Variants in HAUS7 observed in about 807,000 individuals in gnomAD.
HAUS7 encodes HAUS augmin-like complex subunit 7.
In HAUS7, 3 loss-of-function variants were observed where a neutral mutation model predicts 28.4. That is an observed-to-expected ratio of 0.11 (90% CI 0.05 to 0.27). The LOEUF (loss-of-function observed/expected upper bound fraction) is 0.27, where lower values mean the gene tolerates loss of function less well. Ranked by LOEUF, HAUS7 falls within the 10% of genes least tolerant of loss-of-function variation. The probability of loss-of-function intolerance (pLI) is 1.00; values close to 1 mark genes in which losing one functional copy is unlikely to be tolerated. For synonymous variants in HAUS7, 165 were observed against 132.1 expected, an observed-to-expected ratio of 1.25 and a Z score of -1.71; for missense variants, 284 against 297.3, an observed-to-expected ratio of 0.96 and a Z score of 0.33.
At chrX:153,461,296 G>A (rs1279824822) in intron 4 of HAUS7, among the ~76,000 whole-genome samples, 2 of 111,812 alleles carry the variant, frequency 1.8e-5, no homozygotes, top group Non-Finnish European at 3.8e-5. Context: ...CCACAGGAGA[G>A]AAGACTCACT....
At position 153,456,660 on chromosome X, in the gene HAUS7, G is replaced by A. The variant is rs1556982310; in HGVS notation, c.447-9C>T. 3 of 1,165,610 alleles carry A rather than the reference G, an allele frequency of 2.6e-6. No homozygotes were observed. The highest frequency in any genetic ancestry group is 1.9e-5 in the South Asian group (1 of 52,448). On this transcript the variant is annotated splice_polypyrimidine_tract_variant and intron_variant, in intron 5 of 9. Coordinates refer to ENST00000370211, the MANE Select transcript of HAUS7 (RefSeq NM_001385482.1). ...CGAAGTGCTCCATCAGGCTGCAAAG[G>A]CAGCCCCCAGGGCCACACCGTCACA...
chrX:153,473,349 GC>G (rs1267626969), upstream of HAUS7, among the ~76,000 whole-genome samples: 1 of 112,557 alleles, frequency 8.9e-6, no homozygotes, highest in Non-Finnish European at 1.9e-5. Flanking sequence ...CTGAGGGGGA[GC>G]CACCCCACCT....
intron 4 of HAUS7, chrX:153,462,271 AG>A: frequency 1.5e-6 from 1 of 676,015 alleles, no homozygotes; most frequent in Non-Finnish European, 1.8e-6. Context: ...CTTGGGAGCC[AG>A]GCGCCGGGAT....
chrX:153,482,832 G>A (rs1385235993), intron 1 of HAUS7: 6 of 657,393 alleles, frequency 9.1e-6, no homozygotes, highest in African/African-American at 2.4e-5. Context: ...GACCGGAACC[G>A]GCTGCGGGCC....
chrX:153,454,413 G>T lies in HAUS7; in HGVS notation c.1026C>A (p.Ser342Arg), dbSNP rs1556981545. The change falls in exon 9 of 10, where the codon AGC becomes AGA. Residue 342 changes from serine (S) to arginine (R), a missense_variant. Ser to Arg is a moderately radical substitution (Grantham distance 110). Coordinates refer to ENST00000370211, the MANE Select transcript of HAUS7 (RefSeq NM_001385482.1). ...ACGTACCTAGACTCATGACGGAGCT[G>T]CTGCCACCCCAGCAGATCTGCTCGC... ...QQGEQICWGGSSSVMSLATKM... is the reference protein window; with the variant it reads ...QQGEQICWGGRSSVMSLATKM... The T allele has an allele frequency of 1.7e-6, 2 of 1,191,106 alleles. No individual in the cohort carries two copies. The highest frequency in any genetic ancestry group is 5.9e-5 in the East Asian group (2 of 33,704).
At position 153,462,604 on chromosome X, in the gene HAUS7, T is replaced by C; in HGVS notation, c.354+6A>G. The C allele has an allele frequency of 1.7e-6, 2 of 1,186,236 alleles. No homozygotes were observed. Among genetic ancestry groups the C allele is most frequent in the Non-Finnish European group, 2.3e-6 (2 of 871,794 alleles). On this transcript the variant is annotated splice_donor_region_variant and intron_variant, in intron 4 of 9. Transcript: ENST00000370211. The stretch of plus-strand genomic sequence containing the variant: ...CCGTCTGCAGAGCAGACAGAGGCCC[T>C]CTTACCTTGAGGAGCTCCTGGTCAT...
upstream of HAUS7, among the ~76,000 whole-genome samples, chrX:153,475,011 G>A (rs1249335365): frequency 8.9e-6 from 1 of 111,794 alleles, no homozygotes; most frequent in African/African-American, 3.2e-5. Context: ...GCCGGCCGGG[G>A]GAGGGGGCGC....
At chrX:153,470,823 G>C (rs1338056815), upstream of HAUS7, 3 of 419,054 alleles carry the variant, frequency 7.2e-6, no homozygotes, top group Non-Finnish European at 8.7e-6. Flanking sequence ...GGGCGGGGCG[G>C]ACACCGGGAA....
In HAUS7 at chrX:153,469,172, C is replaced by T; in HGVS notation, c.198G>A (p.Leu66=). The T allele has an allele frequency of 8.5e-7, 1 of 1,176,840 alleles. No individual in the cohort carries two copies. The highest frequency in any genetic ancestry group is 1.2e-6 in the Non-Finnish European group (1 of 863,343). ...GGGTACACATCCACTCTAGGATCTC[C>T]AAGCGGTACTCTGAGGGGCTGCACA... The part of the protein sequence containing the change: ...ELLCSPSEYR[L]EILEWMCTRV... The change falls in exon 2 of 10, where the codon TTG becomes TTA. Residue 66 remains leucine, a synonymous_variant. Transcript: ENST00000370211.
chrX:153,482,768 G>A (rs2089608964), intron 1 of HAUS7: 2 of 754,893 alleles, frequency 2.6e-6, no homozygotes, highest in South Asian at 1.3e-4. Context: ...TGCGTGACAG[G>A]GACATCTCCC....
chrX:153,476,319 C>T (rs1454068794), intron 1 of HAUS7, among the ~76,000 whole-genome samples: 1 of 112,382 alleles, frequency 8.9e-6, no homozygotes. Flanking sequence ...CACTTTCTCA[C>T]GGTCCTCACC....
At position 153,456,636 on chromosome X, in the gene HAUS7, G is replaced by A. The variant is rs962116088; in HGVS notation, c.462C>T (p.Phe154=). 6 of 1,178,114 alleles carry A rather than the reference G, an allele frequency of 5.1e-6. No homozygotes were observed. The highest frequency in any genetic ancestry group is 6.8e-6 in the Non-Finnish European group (6 of 877,461). Residue 154 remains phenylalanine, a synonymous_variant, in exon 6 of 10, where the codon TTC becomes TTT. Transcript: ENST00000370211. The part of the protein sequence containing the change: ...CSSCSSLMEH[F]EDTREKNEAL... ...CCTCGTTCTTCTCCCTGGTGTCCTC[G>A]AAGTGCTCCATCAGGCTGCAAAGGC...
At chrX:153,486,984 G>T in intron 1 of HAUS7, 1 of 336,955 alleles carries the variant, frequency 3.0e-6, no homozygotes, top group Non-Finnish European at 4.9e-6. Context: ...AAATGGCCCA[G>T]GGGCGAAAGG....
chrX:153,481,218 A>G (rs975846820), intron 1 of HAUS7: 1 of 496,875 alleles, frequency 2.0e-6, no homozygotes, highest in Non-Finnish European at 2.5e-6. Context: ...CCTTGGTGCC[A>G]AGGGGAGGGG....
chrX:153,493,923 C>T (rs2089688165), intron 1 of HAUS7, among the ~76,000 whole-genome samples: 1 of 112,542 alleles, frequency 8.9e-6, no homozygotes, highest in South Asian at 3.6e-4. Context: ...CCTCTCTGCC[C>T]CTTCGAGCTT....
chrX:153,448,486 A>G (rs1412485929), intron 9 of HAUS7, among the ~76,000 whole-genome samples: 2 of 110,432 alleles, frequency 1.8e-5, no homozygotes, highest in Non-Finnish European at 3.8e-5. Flanking sequence ...TGGCACATGT[A>G]TACATATGTA....
intron 4 of HAUS7, among the ~76,000 whole-genome samples, chrX:153,457,500 G>A (rs782248359): frequency 3.5e-5 from 4 of 113,438 alleles, no homozygotes; most frequent in South Asian, 3.5e-4. Flanking sequence ...TGTGTCTGTC[G>A]TGCAGCCGAC....
In HAUS7 at chrX:153,447,726, C is replaced by A. The variant is rs781967705; in HGVS notation, c.*152G>T. ...AACCGCCCGTCTGTCTCTCCCTCCC[C>A]AAAGGGGCCAAAGGTCCCTGCCTAG... On this transcript the variant is annotated 3_prime_UTR_variant, in exon 10 of 10. Transcript: ENST00000370211. 28 of 578,837 alleles carry A rather than the reference C, an allele frequency of 4.8e-5. No homozygotes were observed. Among genetic ancestry groups the A allele is most frequent in the Non-Finnish European group, 8.5e-5 (27 of 317,134 alleles). 47.7% of individuals were successfully genotyped at this position (578,837 alleles called of 1,213,427 possible).
intron 9 of HAUS7, among the ~76,000 whole-genome samples, chrX:153,448,395 G>T (rs1195944582): frequency 1.3e-5 from 1 of 76,946 alleles, no homozygotes; most frequent in Non-Finnish European, 2.4e-5. Flanking sequence ...GGCCTGTTGT[G>T]GGGTGGGGGG....
Sources: gnomAD v4.1 joint callset for allele counts (sites outside exome capture counted in the v4.1 genomes callset) on GRCh38, gnomAD v4.1.1 for gene constraint, MANE v1.5 for transcripts, NCBI Gene and HGNC (gene_info 2026-07-23, HGNC 2026-07-21) for gene names.